Variants in PEBP4 observed in about 807,000 individuals in gnomAD.
The protein encoded by PEBP4 is phosphatidylethanolamine binding protein 4.
In PEBP4, 22 loss-of-function variants were observed where a neutral mutation model predicts 23.9. That is an observed-to-expected ratio of 0.92 (90% CI 0.66 to 1.31). The LOEUF (loss-of-function observed/expected upper bound fraction) is 1.31. PEBP4 is among the 40% of genes most tolerant of loss of function. PEBP4 has a pLI of 0.00. For synonymous variants in PEBP4, 112 were observed against 99.3 expected, an observed-to-expected ratio of 1.13 and a Z score of -0.76; for missense variants, 324 against 281.7, an observed-to-expected ratio of 1.15 and a Z score of -1.07.
At chr8:22,883,771 T>A (rs1287476600) in intron 3 of PEBP4, among the ~76,000 whole-genome samples, 1 of 152,234 alleles carries the variant, frequency 6.6e-6, no homozygotes, top group Non-Finnish European at 1.5e-5. Context: ...GTACACTGAA[T>A]GCATCTGTTC....
intron 4 of PEBP4, among the ~76,000 whole-genome samples, chr8:22,783,576 C>T (rs1291563670): frequency 6.6e-6 from 1 of 152,066 alleles, no homozygotes; most frequent in Non-Finnish European, 1.5e-5. Flanking sequence ...TAGGATCCAA[C>T]TAGGGTCATT....
intron 6 of PEBP4, among the ~76,000 whole-genome samples, chr8:22,722,948 T>A (rs1240561497): frequency 3.3e-5 from 5 of 151,498 alleles, no homozygotes; most frequent in Admixed American, 1.3e-4. Flanking sequence ...AATTTTTTTT[T>A]TTTTTTGTAT....
chr8:22,774,892 C>T (rs1805785566), intron 4 of PEBP4, among the ~76,000 whole-genome samples: 1 of 152,172 alleles, frequency 6.6e-6, no homozygotes, highest in African/African-American at 2.4e-5. Context: ...CGGTCTGTTT[C>T]ATCCCTTTTA....
At chr8:22,782,554 A>C (rs921773082) in intron 4 of PEBP4, among the ~76,000 whole-genome samples, 49 of 152,348 alleles carry the variant, frequency 3.2e-4, no homozygotes, top group African/African-American at 1.2e-3. Flanking sequence ...GGCACCAGGG[A>C]GTGCTAATTA....
intron 4 of PEBP4, among the ~76,000 whole-genome samples, chr8:22,814,305 A>G (rs1280362069): frequency 1.3e-5 from 2 of 152,218 alleles, no homozygotes; most frequent in Admixed American, 6.5e-5. Flanking sequence ...TATACTGAAT[A>G]GTGTTCTATA....
chr8:22,800,620 C>T (rs371199775), intron 4 of PEBP4, among the ~76,000 whole-genome samples: 1 of 152,148 alleles, frequency 6.6e-6, no homozygotes, highest in African/African-American at 2.4e-5. Flanking sequence ...GGGCAAACCG[C>T]ACATCAGGCT....
intron 3 of PEBP4, among the ~76,000 whole-genome samples, chr8:22,903,922 G>C (rs1200493370): frequency 6.6e-6 from 1 of 152,232 alleles, no homozygotes; most frequent in Admixed American, 6.5e-5. Flanking sequence ...CAATGGTCAA[G>C]GCTCCAGCTG....
intron 3 of PEBP4, among the ~76,000 whole-genome samples, chr8:22,918,934 TGTGCACACA>T (rs1809139655): frequency 6.6e-6 from 1 of 151,504 alleles, no homozygotes; most frequent in African/African-American, 2.4e-5. Flanking sequence ...TGTGTGCACA[TGTGCACACA>T]TGTGCACGTG....
chr8:22,874,312 G>A (rs1013178098), intron 3 of PEBP4, among the ~76,000 whole-genome samples: 1 of 152,128 alleles, frequency 6.6e-6, no homozygotes, highest in Admixed American at 6.5e-5. Context: ...AGAAGATGGG[G>A]ATTCATCATT....
At chr8:22,854,789 C>T (rs1025381740) in intron 3 of PEBP4, among the ~76,000 whole-genome samples, 1 of 152,086 alleles carries the variant, frequency 6.6e-6, no homozygotes, top group African/African-American at 2.4e-5. Flanking sequence ...AGAAAAATTA[C>T]TCTGCACATG....
intron 4 of PEBP4, among the ~76,000 whole-genome samples, chr8:22,753,894 T>C (rs1805321682): frequency 6.6e-6 from 1 of 152,282 alleles, no homozygotes; most frequent in East Asian, 1.9e-4. Flanking sequence ...CACATCTGTC[T>C]GGGTGTGAGT....
At chr8:22,743,275 C>CCAGAAG (rs59383147) in intron 4 of PEBP4, among the ~76,000 whole-genome samples, 4,866 of 152,208 alleles carry the variant, frequency 0.032, 266 homozygotes, top group African/African-American at 0.11. Context: ...GACCTCCTTC[C>CCAGAAG]CAGAAGCAGA....
intron 4 of PEBP4, among the ~76,000 whole-genome samples, chr8:22,772,493 CTTTTTTTTT>C (rs34489811): frequency 5.8e-5 from 7 of 121,630 alleles, no homozygotes; most frequent in African/African-American, 1.8e-4. Flanking sequence ...CTCTCTCTCT[CTTTTTTTTT>C]TTTTTTTTTT....
chr8:22,725,010 C>T, intron 5 of PEBP4, 54 bp from the exon 6 acceptor site: 1 of 1,469,690 alleles, frequency 6.8e-7, no homozygotes, highest in Non-Finnish European at 9.5e-7. Context: ...CTACCGAGGG[C>T]AGAGCTCTCT....
chr8:22,714,326 C>T (rs1804369685), intron 6 of PEBP4, among the ~76,000 whole-genome samples: 1 of 152,112 alleles, frequency 6.6e-6, no homozygotes, highest in Non-Finnish European at 1.5e-5. Flanking sequence ...AGGCATATTC[C>T]CACGTTCTTG....
At chr8:22,821,134 C>A (rs1806848944) in intron 3 of PEBP4, among the ~76,000 whole-genome samples, 1 of 152,128 alleles carries the variant, frequency 6.6e-6, no homozygotes, top group Admixed American at 6.5e-5. Flanking sequence ...GTGCAGTGAG[C>A]CATGACTGCA....
chr8:22,934,914 A>G (rs1365232090), intron 1 of PEBP4, among the ~76,000 whole-genome samples: 1 of 152,236 alleles, frequency 6.6e-6, no homozygotes, highest in South Asian at 2.1e-4. Flanking sequence ...AGATTGAAAG[A>G]GAAAGGATTT....
At chr8:22,785,762 T>G (rs1297255931) in intron 4 of PEBP4, among the ~76,000 whole-genome samples, 1 of 152,188 alleles carries the variant, frequency 6.6e-6, no homozygotes, top group African/African-American at 2.4e-5. Context: ...CAGTCTGGCA[T>G]CGAGAAGCTT....
chr8:22,803,052 C>A (rs888388317), intron 4 of PEBP4, among the ~76,000 whole-genome samples: 1 of 152,146 alleles, frequency 6.6e-6, no homozygotes, highest in African/African-American at 2.4e-5. Context: ...CAGAGCAGAC[C>A]CCTCATGGCC....
Sources: allele counts gnomAD v4.1 joint callset (sites outside exome capture counted in the v4.1 genomes callset), GRCh38; gene constraint gnomAD v4.1.1; transcripts MANE v1.5; gene names NCBI Gene and HGNC (gene_info 2026-07-23, HGNC 2026-07-21).